The following NCALD variants were observed in gnomAD, a reference collection of about 807,000 sequenced individuals.
The protein encoded by NCALD is neurocalcin delta.
A neutral mutation model predicts 18.6 loss-of-function variants in NCALD; 10 were observed. The observed-to-expected ratio is 0.54, with a 90% CI of 0.33 to 0.91. NCALD has a LOEUF of 0.91. Ranked by LOEUF, NCALD falls within the 40% of genes least tolerant of loss-of-function variation. The pLI is 0.03. For synonymous variants in NCALD, 88 were observed against 87.4 expected, an observed-to-expected ratio of 1.01 and a Z score of -0.04; for missense variants, 184 against 247.6, an observed-to-expected ratio of 0.74 and a Z score of 1.72.
At chr8:102,107,631 A>G (rs1825516783) in intron 1 of NCALD, among the ~76,000 whole-genome samples, 1 of 152,188 alleles carries the variant, frequency 6.6e-6, no homozygotes, top group Admixed American at 6.5e-5. Flanking sequence ...TTGACTTTAG[A>G]GACAGTCCCT....
chr8:102,115,791 T>C (rs1825763765), intron 1 of NCALD, among the ~76,000 whole-genome samples: 1 of 152,138 alleles, frequency 6.6e-6, no homozygotes, highest in Non-Finnish European at 1.5e-5. Context: ...TCTGAGAAAT[T>C]ATATTTCTAA....
chr8:102,069,018 G>C (rs1238733355), intron 1 of NCALD, among the ~76,000 whole-genome samples: 1 of 152,178 alleles, frequency 6.6e-6, no homozygotes, highest in African/African-American at 2.4e-5. Context: ...GTGGTTACCA[G>C]AGGCTGGGTG....
chr8:102,017,959 G>T (rs1260448219), intron 2 of NCALD, among the ~76,000 whole-genome samples: 1 of 152,178 alleles, frequency 6.6e-6, no homozygotes, highest in Non-Finnish European at 1.5e-5. Flanking sequence ...TATCAAAGAA[G>T]ATACGCAGAT....
intron 1 of NCALD, among the ~76,000 whole-genome samples, chr8:101,763,466 C>T (rs1586435013): frequency 6.6e-6 from 1 of 152,168 alleles, no homozygotes; most frequent in Non-Finnish European, 1.5e-5. Context: ...GGTACAGAGT[C>T]ACATTTGCCC....
At chr8:101,899,617 T>C (rs758813718) in intron 3 of NCALD, among the ~76,000 whole-genome samples, 2 of 151,938 alleles carry the variant, frequency 1.3e-5, no homozygotes, top group African/African-American at 2.4e-5. Context: ...GTCAAATGGG[T>C]TTCTGTACAT....
intron 4 of NCALD, among the ~76,000 whole-genome samples, chr8:101,824,971 A>C (rs900911922): frequency 6.6e-6 from 1 of 152,176 alleles, no homozygotes; most frequent in African/African-American, 2.4e-5. Context: ...CATGATAGGG[A>C]ATCTTTTCCA....
At chr8:102,002,085 T>C (rs1397877366) in intron 2 of NCALD, among the ~76,000 whole-genome samples, 4 of 152,168 alleles carry the variant, frequency 2.6e-5, no homozygotes, top group East Asian at 1.9e-4. Flanking sequence ...GACTGGCAAA[T>C]TGGATAAAGA....
At chr8:101,889,165 T>C (rs11996557) in intron 3 of NCALD, among the ~76,000 whole-genome samples, 19,302 of 152,248 alleles carry the variant, frequency 0.13, 3,076 homozygotes, top group African/African-American at 0.37. Flanking sequence ...GGAGGAAGAT[T>C]TATCTCTTGC....
chr8:101,751,870 A>G (rs940329809), intron 1 of NCALD, among the ~76,000 whole-genome samples: 1 of 152,210 alleles, frequency 6.6e-6, no homozygotes, highest in African/African-American at 2.4e-5. Flanking sequence ...TAACCACATA[A>G]TCCTGCTGTA....
chr8:101,718,337 G>A (rs1816184107), intron 2 of NCALD, among the ~76,000 whole-genome samples: 1 of 152,066 alleles, frequency 6.6e-6, no homozygotes, highest in Non-Finnish European at 1.5e-5. Flanking sequence ...CTTAGCAAAT[G>A]TGGTGGAGTG....
intron 3 of NCALD, among the ~76,000 whole-genome samples, chr8:101,913,251 A>G (rs1226524223): frequency 6.6e-6 from 1 of 152,228 alleles, no homozygotes; most frequent in Non-Finnish European, 1.5e-5. Context: ...TAACTAACAC[A>G]TGTCATAATC....
At chr8:102,032,476 T>C (rs548571236) in intron 1 of NCALD, among the ~76,000 whole-genome samples, 1 of 152,280 alleles carries the variant, frequency 6.6e-6, no homozygotes, top group South Asian at 2.1e-4. Context: ...TCCTCCCAGT[T>C]GGCAGAACTT....
At chr8:102,099,322 A>G (rs1187767214) in intron 1 of NCALD, among the ~76,000 whole-genome samples, 4 of 152,200 alleles carry the variant, frequency 2.6e-5, no homozygotes, top group South Asian at 2.1e-4. Flanking sequence ...ACAGTCACTA[A>G]CAGTATCTTT....
intron 2 of NCALD, among the ~76,000 whole-genome samples, chr8:101,942,387 T>G (rs567665769): frequency 3.9e-5 from 6 of 152,344 alleles, no homozygotes; most frequent in African/African-American, 1.4e-4. Flanking sequence ...TAATGATCTA[T>G]TCTTGCCTGT....
At chr8:101,813,824 G>A (rs981686328) in intron 4 of NCALD, among the ~76,000 whole-genome samples, 15 of 152,064 alleles carry the variant, frequency 9.9e-5, no homozygotes, top group African/African-American at 3.6e-4. Context: ...AGAATTCATG[G>A]TGAAAATCTG....
intron 3 of NCALD, among the ~76,000 whole-genome samples, chr8:101,890,570 C>T (rs1816835089): frequency 6.6e-6 from 1 of 152,162 alleles, no homozygotes; most frequent in African/African-American, 2.4e-5. Context: ...TAAAAGGGCT[C>T]CAGGTTGAAG....
intron 4 of NCALD, among the ~76,000 whole-genome samples, chr8:101,796,580 CA>C (rs934769999): frequency 6.6e-6 from 1 of 151,288 alleles, no homozygotes; most frequent in African/African-American, 2.4e-5. Flanking sequence ...AGAACATACA[CA>C]AAAAAAGAAA....
chr8:101,879,988 C>T (rs1816413173), intron 4 of NCALD, among the ~76,000 whole-genome samples: 1 of 151,856 alleles, frequency 6.6e-6, no homozygotes, highest in African/African-American at 2.4e-5. Flanking sequence ...CTGCACTCCT[C>T]AGCCCTTGGG....
In NCALD at chr8:101,735,659, C is replaced by T. The variant is rs531848091; in HGVS notation, c.-19-16011G>A. On this transcript the variant is annotated intron_variant, in intron 1 of 3. Transcript: ENST00000220931. ...GAAGTTAAAATTTAACTGAACATCC[C>T]GCATTTTTATTTGCTAACTCTAGTA... is the stretch of plus-strand genomic sequence containing the variant. Among the ~76,000 whole-genome samples the T allele has an allele frequency of 3.3e-5, 5 of 152,072 alleles. No individual in the cohort carries two copies. In the South Asian group the frequency reaches 6.2e-4, roughly 19 times the overall value.
Sources: gnomAD v4.1 joint callset for allele counts (sites outside exome capture counted in the v4.1 genomes callset) on GRCh38, gnomAD v4.1.1 for gene constraint, MANE v1.5 for transcripts, NCBI Gene and HGNC (gene_info 2026-07-23, HGNC 2026-07-21) for gene names.